SLC35F1: variants seen among roughly 807,000 people sequenced by gnomAD.
SLC35F1 encodes chromosome 6 open reading frame 169.
In SLC35F1, 14 loss-of-function variants were observed where a neutral mutation model predicts 48.7. The observed-to-expected ratio is 0.29, with a 90% CI of 0.19 to 0.45. The LOEUF (loss-of-function observed/expected upper bound fraction) is 0.45, where lower values mean the gene tolerates loss of function less well. SLC35F1 is among the 20% of genes least tolerant of loss of function. The pLI is 1.00. For missense variants in SLC35F1, 404 were observed against 500.0 expected, an observed-to-expected ratio of 0.81 and a Z score of 1.83; for synonymous variants, 190 against 202.2, an observed-to-expected ratio of 0.94 and a Z score of 0.51.
intron 7 of SLC35F1, among the ~76,000 whole-genome samples, chr6:118,298,952 A>C (rs917410732): frequency 1.1e-4 from 17 of 152,104 alleles, no homozygotes; most frequent in Non-Finnish European, 1.8e-4. Context: ...AGGTGGGAAA[A>C]TTGCTTGAGC....
intron 2 of SLC35F1, among the ~76,000 whole-genome samples, chr6:118,185,630 A>C (rs78249853): frequency 0.018 from 2,682 of 152,260 alleles, 98 homozygotes; most frequent in African/African-American, 0.062. Flanking sequence ...ATTGAAAATC[A>C]GACCTGGCAA....
At chr6:118,040,954 AATTACACTT>A in intron 1 of SLC35F1, among the ~76,000 whole-genome samples, 1 of 152,230 alleles carries the variant, frequency 6.6e-6, no homozygotes, top group African/African-American at 2.4e-5. Flanking sequence ...TTTATTTTAA[AATTACACTT>A]ATTTTGGTCC....
At chr6:118,085,920 T>G (rs1772983491) in intron 1 of SLC35F1, among the ~76,000 whole-genome samples, 1 of 152,124 alleles carries the variant, frequency 6.6e-6, no homozygotes, top group Non-Finnish European at 1.5e-5. Flanking sequence ...TATGCTGACT[T>G]CTGATGATCA....
intron 7 of SLC35F1, among the ~76,000 whole-genome samples, chr6:118,288,178 C>T (rs1214830842): frequency 2.6e-5 from 4 of 152,110 alleles, no homozygotes; most frequent in South Asian, 4.1e-4. Context: ...TGTAGATTCA[C>T]GTGCACTTTT....
At chr6:117,979,766 T>C (rs1426478716) in intron 1 of SLC35F1, among the ~76,000 whole-genome samples, 2 of 152,166 alleles carry the variant, frequency 1.3e-5, no homozygotes, top group African/African-American at 2.4e-5. Context: ...TCTGCTTCCA[T>C]AGGATGTGCT....
chr6:117,943,076 C>T (rs529275294), intron 1 of SLC35F1, among the ~76,000 whole-genome samples: 4 of 152,130 alleles, frequency 2.6e-5, no homozygotes, highest in Admixed American at 6.6e-5. Context: ...TCAAATGTAC[C>T]GATCTTGTTA....
chr6:118,252,815 T>C (rs1284195017), intron 3 of SLC35F1, among the ~76,000 whole-genome samples: 3 of 152,274 alleles, frequency 2.0e-5, no homozygotes, highest in East Asian at 3.9e-4. Flanking sequence ...TAGTATGTCC[T>C]GGAAGCCAAG....
intron 1 of SLC35F1, among the ~76,000 whole-genome samples, chr6:118,145,470 TGTAA>T (rs1047506353): frequency 8.5e-5 from 13 of 152,326 alleles, no homozygotes; most frequent in African/African-American, 2.2e-4. Flanking sequence ...CAAAATATAC[TGTAA>T]GTAAGTAACA....
intron 2 of SLC35F1, among the ~76,000 whole-genome samples, chr6:118,196,486 C>T (rs1379328432): frequency 1.3e-5 from 2 of 152,026 alleles, no homozygotes; most frequent in South Asian, 2.1e-4. Context: ...GAGGCTGAGG[C>T]GGGCAGATCA....
intron 1 of SLC35F1, among the ~76,000 whole-genome samples, chr6:118,012,310 A>G (rs1220497990): frequency 1.4e-5 from 2 of 140,870 alleles, no homozygotes; most frequent in Non-Finnish European, 3.0e-5. Context: ...AACAGCATGC[A>G]GGGACAATAA....
intron 1 of SLC35F1, among the ~76,000 whole-genome samples, chr6:118,122,400 C>A (rs1206409385): frequency 6.6e-6 from 1 of 152,098 alleles, no homozygotes; most frequent in Admixed American, 6.5e-5. Flanking sequence ...AATTCAGTAC[C>A]AAGCAAAGCT....
chr6:118,173,303 A>G (rs556803831), intron 2 of SLC35F1, among the ~76,000 whole-genome samples: 2 of 151,948 alleles, frequency 1.3e-5, no homozygotes, highest in Middle Eastern at 3.4e-3. Context: ...AGAAAATTTC[A>G]TTTGTAGGAG....
intron 4 of SLC35F1, among the ~76,000 whole-genome samples, chr6:118,270,682 G>A (rs77832802): frequency 1.2e-3 from 176 of 152,294 alleles, no homozygotes; most frequent in African/African-American, 4.1e-3. Flanking sequence ...CATGTCAGCA[G>A]TATAGGCCTC....
intron 7 of SLC35F1, among the ~76,000 whole-genome samples, chr6:118,288,663 G>T (rs1776080612): frequency 6.6e-6 from 1 of 152,118 alleles, no homozygotes; most frequent in African/African-American, 2.4e-5. Flanking sequence ...ATGCCAGTTG[G>T]CTCTTCCTGA....
intron 1 of SLC35F1, among the ~76,000 whole-genome samples, chr6:118,074,145 G>A (rs756118964): frequency 6.6e-6 from 1 of 152,136 alleles, no homozygotes; most frequent in Non-Finnish European, 1.5e-5. Flanking sequence ...TTGAGTTCCA[G>A]TTCACCTCTG....
intron 1 of SLC35F1, among the ~76,000 whole-genome samples, chr6:118,075,369 C>T (rs925621863): frequency 1.3e-5 from 2 of 152,170 alleles, no homozygotes; most frequent in Non-Finnish European, 2.9e-5. Flanking sequence ...GAAAGCAAAC[C>T]TGTTATGAAT....
At chr6:118,215,636 A>G (rs189776519) in intron 2 of SLC35F1, among the ~76,000 whole-genome samples, 1 of 152,310 alleles carries the variant, frequency 6.6e-6, no homozygotes, top group East Asian at 1.9e-4. Flanking sequence ...TGTCTAACAT[A>G]CCCAGTTTTT....
intron 7 of SLC35F1, among the ~76,000 whole-genome samples, chr6:118,298,229 T>C (rs1776215399): frequency 6.6e-6 from 1 of 152,206 alleles, no homozygotes; most frequent in Non-Finnish European, 1.5e-5. Context: ...AATGGACTAA[T>C]ACACAGCCAG....
At chr6:118,116,014 C>T (rs1272721493) in intron 1 of SLC35F1, among the ~76,000 whole-genome samples, 1 of 152,174 alleles carries the variant, frequency 6.6e-6, no homozygotes, top group African/African-American at 2.4e-5. Context: ...GAAATTTTTA[C>T]TTCCTCCTTG....
Sources: gnomAD v4.1 joint callset for allele counts (sites outside exome capture counted in the v4.1 genomes callset) on GRCh38, gnomAD v4.1.1 for gene constraint, MANE v1.5 for transcripts, NCBI Gene and HGNC (gene_info 2026-07-23, HGNC 2026-07-21) for gene names.